The following TRDN variants were observed in gnomAD, a reference collection of about 807,000 sequenced individuals.
TRDN encodes triadin, also known as triadin in skeletal muscle.
TRDN carries 161 observed loss-of-function variants against 149.7 expected under a neutral mutation model. The observed-to-expected ratio is 1.08, with a 90% CI of 0.95 to 1.23. The LOEUF (loss-of-function observed/expected upper bound fraction) is 1.23, where lower values mean the gene tolerates loss of function less well. TRDN is among the 50% of genes most tolerant of loss of function. The pLI is 0.00. For synonymous variants in TRDN, 294 were observed against 250.5 expected, an observed-to-expected ratio of 1.17 and a Z score of -1.64; for missense variants, 896 against 823.5, an observed-to-expected ratio of 1.09 and a Z score of -1.08.
At chr6:123,273,136 T>C (rs1183073706) in intron 28 of TRDN, 125 bp from the exon 29 acceptor site, 1 of 754,890 alleles carries the variant, frequency 1.3e-6, no homozygotes, top group African/African-American at 1.9e-5. Flanking sequence ...CTTGTTTCTA[T>C]GTAAAACTTA....
intron 23 of TRDN, among the ~76,000 whole-genome samples, chr6:123,327,055 T>C (rs1779483972): frequency 6.6e-6 from 1 of 152,094 alleles, no homozygotes; most frequent in African/African-American, 2.4e-5. Flanking sequence ...CATCAAGTCT[T>C]GAAGATGTCT....
intron 21 of TRDN, among the ~76,000 whole-genome samples, chr6:123,339,024 TG>T (rs1779972227): frequency 3.9e-5 from 6 of 152,096 alleles, no homozygotes; most frequent in Admixed American, 3.9e-4. Context: ...TTTTTGTTTT[TG>T]TTTTTGTTTT....
At position 123,279,036 on chromosome 6, in the gene TRDN, T is replaced by C. The variant is rs1485136257; in HGVS notation, c.1537+20A>G. 6.2e-7 allele frequency: 1 copy of C among 1,602,044 alleles called. No individual in the cohort carries two copies. The highest frequency in any genetic ancestry group is 8.5e-7 in the Non-Finnish European group (1 of 1,175,234). On this transcript the variant is annotated intron_variant, in intron 25 of 40. Coordinates refer to ENST00000334268, the MANE Select transcript of TRDN (RefSeq NM_006073.4). Reference sequence around the variant, plus strand: ...TGTACATATGTACGTGTTTGTTTATTGAGCATGCATATAACATACGTGGAG... The same window carrying C: ...TGTACATATGTACGTGTTTGTTTATCGAGCATGCATATAACATACGTGGAG...
intron 24 of TRDN, among the ~76,000 whole-genome samples, chr6:123,280,335 T>TATA (rs1777536112): frequency 6.6e-6 from 1 of 152,272 alleles, no homozygotes; most frequent in Admixed American, 6.6e-5. Flanking sequence ...TTTAAAACTT[T>TATA]ATAATAAGCT....
intron 23 of TRDN, among the ~76,000 whole-genome samples, chr6:123,323,983 C>G (rs181697700): frequency 5.9e-5 from 9 of 152,220 alleles, no homozygotes; most frequent in African/African-American, 2.2e-4. Flanking sequence ...CAGAATCAGG[C>G]CCTGTGATGT....
At chr6:123,594,377 T>C (rs951504212) in intron 1 of TRDN, among the ~76,000 whole-genome samples, 1 of 152,082 alleles carries the variant, frequency 6.6e-6, no homozygotes, top group African/African-American at 2.4e-5. Context: ...TCCAGACTAA[T>C]CCAGACCAAG....
chr6:123,218,657 G>A lies in TRDN; in HGVS notation c.2134C>T (p.Pro712Ser), dbSNP rs1775027969. 1 of 1,610,808 alleles carries A rather than the reference G, an allele frequency of 6.2e-7. No homozygotes were observed. The highest frequency in any genetic ancestry group is 1.3e-5 in the African/African-American group (1 of 74,862). Residue 712 changes from proline to serine, a missense_variant, in exon 41 of 41, where the codon CCT becomes TCT. Transcript: ENST00000334268. Reference protein sequence around the residue: ...FQFPFTPADRPGESSGQANSP... With the variant: ...FQFPFTPADRSGESSGQANSP... ...TTTGCTTGACCAGAGCTCTCTCCAGGGCGGTCTGCAGGAGTGAAAGGAAAC... is the reference window on the plus strand; with the variant it reads ...TTTGCTTGACCAGAGCTCTCTCCAGAGCGGTCTGCAGGAGTGAAAGGAAAC...
chr6:123,468,660 T>C (rs1776977125), intron 9 of TRDN: 1 of 152,188 alleles, frequency 6.6e-6, no homozygotes, highest in Admixed American at 6.5e-5. Flanking sequence ...AAAAAAGCAA[T>C]TCACTACACT....
chr6:123,558,523 T>C (rs114628282), intron 2 of TRDN, among the ~76,000 whole-genome samples: 1,595 of 152,272 alleles, frequency 0.01, 29 homozygotes, highest in African/African-American at 0.036. Flanking sequence ...GCATTTACAC[T>C]CTTTTTCATC....
intron 38 of TRDN, among the ~76,000 whole-genome samples, chr6:123,246,280 AAAATCAATG>A (rs1422707334): frequency 1.8e-4 from 28 of 152,284 alleles, no homozygotes; most frequent in African/African-American, 6.0e-4. Context: ...ATCCCTTCTA[AAAATCAATG>A]AATCTAGGAG....
chr6:123,583,059 A>C (rs1783215084), intron 1 of TRDN, among the ~76,000 whole-genome samples: 1 of 152,208 alleles, frequency 6.6e-6, no homozygotes, highest in South Asian at 2.1e-4. Flanking sequence ...AGGTCTAAGA[A>C]TTGGGATGAC....
intron 3 of TRDN, among the ~76,000 whole-genome samples, chr6:123,547,806 A>T (rs144979286): frequency 5.5e-4 from 84 of 152,138 alleles, no homozygotes; most frequent in African/African-American, 2.0e-3. Flanking sequence ...TAATAGATGG[A>T]ATCACAGTGC....
At chr6:123,316,683 G>A (rs1779037029) in intron 23 of TRDN, among the ~76,000 whole-genome samples, 188 bp from the exon 24 acceptor site, 1 of 151,668 alleles carries the variant, frequency 6.6e-6, no homozygotes, top group Non-Finnish European at 1.5e-5. Context: ...AAATTATAAA[G>A]TAACTTAAGC....
At chr6:123,286,480 G>A (rs150459347) in intron 24 of TRDN, among the ~76,000 whole-genome samples, 14 of 152,114 alleles carry the variant, frequency 9.2e-5, no homozygotes, top group African/African-American at 3.4e-4. Context: ...AAGCTATGAG[G>A]ATGCAATGGC....
chr6:123,326,601 T>C (rs1404250228), intron 23 of TRDN, among the ~76,000 whole-genome samples: 1 of 152,006 alleles, frequency 6.6e-6, no homozygotes, highest in African/African-American at 2.4e-5. Context: ...ATGAATGTCC[T>C]ATACAAAACT....
rs115489054 is a variant in TRDN at position 123,273,297 on chromosome 6, G to A, written c.1624+40C>T. On this transcript the variant is annotated intron_variant, in intron 28 of 40. Coordinates refer to ENST00000334268, the MANE Select transcript of TRDN (RefSeq NM_006073.4). The stretch of plus-strand genomic sequence containing the variant: ...TTTGAAAACGTTTCAATATTTTTTC[G>A]TAAGAAAGTCTAAGCATAAAAGATA... 189 of 1,077,258 alleles carry A rather than the reference G, an allele frequency of 1.8e-4. 3 individuals carry two copies. The highest frequency in any genetic ancestry group is 1.3e-3 in the East Asian group (32 of 25,034). The allele number at this position is 1,077,258 out of a possible 1,614,324, so 66.7% of individuals were successfully genotyped here.
At chr6:123,550,891 G>A (rs1182300001) in intron 2 of TRDN, among the ~76,000 whole-genome samples, 6 of 151,812 alleles carry the variant, frequency 4.0e-5, no homozygotes, top group African/African-American at 7.3e-5. Flanking sequence ...AGAAATGGCC[G>A]TTTGAATGGT....
chr6:123,501,706 A>T, intron 8 of TRDN: 1 of 403,750 alleles, frequency 2.5e-6, no homozygotes, highest in Non-Finnish European at 3.4e-6. Context: ...TAGCAATTGC[A>T]ATTGTTTAGC....
intron 12 of TRDN, among the ~76,000 whole-genome samples, chr6:123,416,890 A>G (rs187254748): frequency 4.5e-4 from 68 of 152,146 alleles, no homozygotes; most frequent in Admixed American, 2.8e-3. Flanking sequence ...TTTAATAGAG[A>G]TGGGGCTTCA....
Sources: allele counts gnomAD v4.1 joint callset (sites outside exome capture counted in the v4.1 genomes callset), GRCh38; gene constraint gnomAD v4.1.1; transcripts MANE v1.5; gene names NCBI Gene and HGNC (gene_info 2026-07-23, HGNC 2026-07-21).